Variants in EPHA7 observed in about 807,000 individuals in gnomAD.
The protein encoded by EPHA7 is EPH receptor A7, also known as ephrin type-A receptor 7.
A neutral mutation model predicts 112.6 loss-of-function variants in EPHA7; 25 were observed. The observed-to-expected ratio is 0.22, with a 90% CI of 0.16 to 0.31. EPHA7 has a LOEUF of 0.31. EPHA7 is among the 10% of genes least tolerant of loss of function. EPHA7 has a pLI of 1.00. For synonymous variants in EPHA7, 437 were observed against 406.5 expected, an observed-to-expected ratio of 1.07 and a Z score of -0.90; for missense variants, 962 against 1,212.6, an observed-to-expected ratio of 0.79 and a Z score of 3.07.
rs2127847219 is a variant in EPHA7, at chr6:93,246,941, C to T, written c.2577G>A (p.Met859Ile). 1 of 1,610,536 alleles carries T rather than the reference C, an allele frequency of 6.2e-7. No individual in the cohort carries two copies. The change falls in exon 15 of 17, where the codon ATG becomes ATA. Residue 859 changes from methionine to isoleucine, a missense_variant. By Grantham distance (10) the Met-to-Ile change is conservative. This residue lies in a region of EPHA7 where 746 missense variants were observed against 889.2 expected (regional missense o/e 0.84). Coordinates refer to ENST00000369303, the MANE Select transcript of EPHA7 (RefSeq NM_004440.4). The part of the protein sequence containing the change: ...IEEGYRLPAP[M>I]DCPAGLHQLM... ...GCTGGTGAAGGCCAGCTGGGCAGTC[C>T]ATGGGTGCTGGTAAACGATAACCTT...
rs1388428555 is a variant in EPHA7, at chr6:93,258,110, A to T, written c.2099T>A (p.Val700Asp). ...TAACCAATATCTACCTCTTGTAACA[A>T]CCCCTTCCAAATGGACAACATTCGG... ...DHPNVVHLEG[V>D]VTRGKPVMIV... Residue 700 changes from valine (V) to aspartate (D), a missense_variant, in exon 11 of 17, where the codon GTT (valine) becomes GAT (aspartate). Transcript: ENST00000369303. The T allele has an allele frequency of 6.2e-7, 1 of 1,612,834 alleles. No homozygotes were observed. Among genetic ancestry groups the T allele is most frequent in the Admixed American group, 1.7e-5 (1 of 59,830 alleles).
intron 9 of EPHA7, among the ~76,000 whole-genome samples, chr6:93,261,904 A>C (rs1770704153): frequency 6.6e-6 from 1 of 151,504 alleles, no homozygotes; most frequent in Non-Finnish European, 1.5e-5. Context: ...CTATACAACA[A>C]ATTTTGGATA....
intron 5 of EPHA7, among the ~76,000 whole-genome samples, chr6:93,276,462 CA>C (rs1172953889): frequency 6.6e-6 from 1 of 152,016 alleles, no homozygotes; most frequent in African/African-American, 2.4e-5. Context: ...CCAGAGTTTT[CA>C]AGTAAGAGCC....
chr6:93,360,648 CA>C (rs1339029103), intron 3 of EPHA7, among the ~76,000 whole-genome samples: 5 of 152,066 alleles, frequency 3.3e-5, no homozygotes, highest in Non-Finnish European at 5.9e-5. Context: ...AAATGAGGTG[CA>C]TTCCTTGCTC....
rs1042499017 is a variant in EPHA7, at chr6:93,240,704, C to T, written c.*2722G>A. 2.8e-5 allele frequency: 6 copies of T among 212,864 alleles called. No homozygotes were observed. Among genetic ancestry groups the T allele is most frequent in the Middle Eastern group, 1.4e-3 (1 of 690 alleles). The allele number at this position is 212,864 out of a possible 1,614,324, so 13.2% of individuals were successfully genotyped here. ...TATAATTTTGGAATTCTATTTTTGA[C>T]GTTCACTTTCTCTACTTTTCCTCCC... On this transcript the variant is annotated 3_prime_UTR_variant, in exon 17 of 17. Coordinates refer to ENST00000369303, the MANE Select transcript of EPHA7 (RefSeq NM_004440.4).
At chr6:93,293,154 A>C (rs538952734) in intron 5 of EPHA7, among the ~76,000 whole-genome samples, 1 of 151,478 alleles carries the variant, frequency 6.6e-6, no homozygotes, top group Admixed American at 6.6e-5. Context: ...AATACATAGA[A>C]AAGACTATGT....
At chr6:93,359,776 T>C (rs1025777046) in intron 3 of EPHA7, among the ~76,000 whole-genome samples, 1 of 151,884 alleles carries the variant, frequency 6.6e-6, no homozygotes, top group Non-Finnish European at 1.5e-5. Flanking sequence ...ATTAACAAGA[T>C]AGGTATTTTA....
intron 5 of EPHA7, among the ~76,000 whole-genome samples, chr6:93,337,617 T>G (rs771758955): frequency 6.6e-6 from 1 of 152,136 alleles, no homozygotes; most frequent in African/African-American, 2.4e-5. Flanking sequence ...ATTTCTCTCA[T>G]AGAGAGCTGG....
intron 3 of EPHA7, among the ~76,000 whole-genome samples, chr6:93,377,878 A>C (rs938149604): frequency 5.9e-5 from 9 of 152,152 alleles, no homozygotes; most frequent in African/African-American, 2.2e-4. Flanking sequence ...TTCAAGAAAT[A>C]TTCTGGGTAC....
At chr6:93,384,392 T>C (rs943156776) in intron 3 of EPHA7, among the ~76,000 whole-genome samples, 1 of 152,190 alleles carries the variant, frequency 6.6e-6, no homozygotes, top group Non-Finnish European at 1.5e-5. Flanking sequence ...GTTATTACTA[T>C]AGCCAAAATT....
chr6:93,372,510 T>A (rs1282412727), intron 3 of EPHA7, among the ~76,000 whole-genome samples: 1 of 152,136 alleles, frequency 6.6e-6, no homozygotes, highest in Non-Finnish European at 1.5e-5. Flanking sequence ...TTTTAAGGTT[T>A]TTGATTTTCC....
At chr6:93,385,830 C>T (rs1350225869) in intron 3 of EPHA7, among the ~76,000 whole-genome samples, 1 of 152,122 alleles carries the variant, frequency 6.6e-6, no homozygotes, top group African/African-American at 2.4e-5. Flanking sequence ...AATTGACTCA[C>T]AGTTCTGCAT....
Position 93,319,192 on chromosome 6 carries a change from C to A in EPHA7, c.1324+37525G>T, listed in dbSNP as rs547761540. ...AGGAAACTTTATGGTGTGGAAGTTG[C>A]AAAATACTCTAGAAAGAGTAGGGTT... On this transcript the variant is annotated intron_variant, in intron 5 of 16. Transcript: ENST00000369303. Among the ~76,000 whole-genome samples, 748 of 151,994 alleles carry A rather than the reference C, an allele frequency of 4.9e-3. 10 individuals are homozygous for A. Among genetic ancestry groups the A allele is most frequent in the African/African-American group, 0.017 (721 of 41,476 alleles).
intron 9 of EPHA7, among the ~76,000 whole-genome samples, chr6:93,259,908 G>A (rs942878512): frequency 6.6e-6 from 1 of 151,702 alleles, no homozygotes; most frequent in Non-Finnish European, 1.5e-5. Context: ...TTCATTTACA[G>A]GTAGCCTACT....
chr6:93,382,166 T>C (rs911407147), intron 3 of EPHA7, among the ~76,000 whole-genome samples: 1 of 152,094 alleles, frequency 6.6e-6, no homozygotes, highest in Non-Finnish European at 1.5e-5. Flanking sequence ...AGACGAGTGG[T>C]CCCCAACCCT....
chr6:93,336,607 T>A lies in EPHA7; in HGVS notation c.1324+20110A>T, dbSNP rs150434126. Among the ~76,000 whole-genome samples, 767 of 152,214 alleles carry A rather than the reference T, an allele frequency of 5.0e-3. 6 individuals are homozygous for A. Among genetic ancestry groups the A allele is most frequent in the African/African-American group, 0.018 (739 of 41,538 alleles). On this transcript the variant is annotated intron_variant, in intron 5 of 16. Transcript: ENST00000369303. ...TAGTAGAGACGGGGTTTCACTGTGT[T>A]AGCCAGGATGGTCTTGATCTCCTGA...
intron 5 of EPHA7, among the ~76,000 whole-genome samples, chr6:93,351,444 C>T (rs1775689385): frequency 6.6e-6 from 1 of 152,068 alleles, no homozygotes; most frequent in East Asian, 1.9e-4. Context: ...GAAACTATCC[C>T]TAACCTCTTT....
intron 5 of EPHA7, among the ~76,000 whole-genome samples, chr6:93,328,651 C>A (rs1208015363): frequency 6.6e-6 from 1 of 151,298 alleles, no homozygotes; most frequent in Non-Finnish European, 1.5e-5. Context: ...TCTCCTAGGA[C>A]ATTGGTTCCT....
At chr6:93,308,795 A>G (rs1397679629) in intron 5 of EPHA7, among the ~76,000 whole-genome samples, 1 of 152,028 alleles carries the variant, frequency 6.6e-6, no homozygotes, top group Non-Finnish European at 1.5e-5. Flanking sequence ...TAAATACCAC[A>G]TTTTTAAAGG....
Sources: gnomAD v4.1 joint callset for allele counts (sites outside exome capture counted in the v4.1 genomes callset) on GRCh38, gnomAD v4.1.1 for gene constraint, gnomAD v4.1.1 regional missense constraint, MANE v1.5 for transcripts, NCBI Gene and HGNC (gene_info 2026-07-23, HGNC 2026-07-21) for gene names.